The following DOCK4 variants were observed in gnomAD, a reference collection of about 807,000 sequenced individuals.
The protein encoded by DOCK4 is dedicator of cytokinesis 4, also known as dedicator of cytokinesis protein 4.
A neutral mutation model predicts 268.1 loss-of-function variants in DOCK4; 97 were observed. That is an observed-to-expected ratio of 0.36 (90% CI 0.31 to 0.43). DOCK4 has a LOEUF of 0.43. Among genes scored for constraint, DOCK4 ranks in the 20% least tolerant of loss-of-function variants. The pLI is 1.00. For missense variants in DOCK4, 2,145 were observed against 2,455.7 expected (o/e 0.87, Z 2.67); for synonymous variants, 954 against 887.2 (o/e 1.08, Z -1.34).
chr7:112,000,567 A>G (rs1159056096), intron 2 of DOCK4, 33 bp from the exon 3 acceptor site: 2 of 1,462,358 alleles, frequency 1.4e-6, no homozygotes, highest in Admixed American at 4.0e-5. Flanking sequence ...ATATTTTGAT[A>G]AACCATTGTA....
intron 1 of DOCK4, among the ~76,000 whole-genome samples, chr7:112,087,973 G>A (rs1809269880): frequency 6.6e-6 from 1 of 152,058 alleles, no homozygotes; most frequent in Admixed American, 6.6e-5. Flanking sequence ...AAAATACAGT[G>A]GTGTCCCTAG....
At chr7:112,110,547 C>T (rs1179313539) in intron 1 of DOCK4, among the ~76,000 whole-genome samples, 1 of 152,230 alleles carries the variant, frequency 6.6e-6, no homozygotes, top group East Asian at 1.9e-4. Flanking sequence ...ACACGATCTT[C>T]AGGTCACATT....
intron 52 of DOCK4, 139 bp downstream of exon 52, chr7:111,732,087 C>T (rs1220021714): frequency 4.8e-6 from 4 of 834,462 alleles, no homozygotes; most frequent in African/African-American, 3.5e-5. Context: ...TTTTCTCAAC[C>T]AGCTTCCCCT....
intron 1 of DOCK4, among the ~76,000 whole-genome samples, chr7:112,160,644 A>G (rs990156087): frequency 1.3e-5 from 2 of 152,214 alleles, no homozygotes; most frequent in African/African-American, 4.8e-5. Context: ...TATCTCCTTA[A>G]GCAGGCACCC....
chr7:112,007,298 A>C (rs1800938567), intron 1 of DOCK4, among the ~76,000 whole-genome samples: 1 of 152,108 alleles, frequency 6.6e-6, no homozygotes, highest in African/African-American at 2.4e-5. Context: ...TCTGAGTATA[A>C]GAATGGAGTA....
Position 111,828,623 on chromosome 7 carries a change from T to A in DOCK4, c.2835+5965A>T, listed in dbSNP as rs376410499. Among the ~76,000 whole-genome samples the A allele has an allele frequency of 1.2e-3, 185 of 152,168 alleles. 1 individual carries two copies. The highest frequency in any genetic ancestry group is 4.2e-3 in the African/African-American group (175 of 41,526). On this transcript the variant is annotated intron_variant, in intron 26 of 52. Transcript: ENST00000428084. ...TCAATTAAAATGTAAAATGTGTACA[T>A]CCTATGACCCAACAATTACACGTCT...
chr7:111,906,796 A>G (rs1791615447), intron 13 of DOCK4, among the ~76,000 whole-genome samples: 1 of 152,184 alleles, frequency 6.6e-6, no homozygotes, highest in South Asian at 2.1e-4. Flanking sequence ...TCATGAGCCA[A>G]GGAGTGCAGG....
At chr7:112,096,369 T>C (rs1229810545) in intron 1 of DOCK4, among the ~76,000 whole-genome samples, 1 of 152,024 alleles carries the variant, frequency 6.6e-6, no homozygotes, top group Non-Finnish European at 1.5e-5. Flanking sequence ...TTTTGGTAGA[T>C]GTGGGGTTTC....
intron 1 of DOCK4, among the ~76,000 whole-genome samples, chr7:112,061,340 T>A (rs1806365948): frequency 6.6e-6 from 1 of 152,004 alleles, no homozygotes; most frequent in South Asian, 2.1e-4. Context: ...CACGACCAGG[T>A]AGTCACAGAA....
chr7:111,865,526 A>T (rs775732964), intron 22 of DOCK4, among the ~76,000 whole-genome samples: 30 of 152,210 alleles, frequency 2.0e-4, no homozygotes, highest in Non-Finnish European at 5.9e-5. Flanking sequence ...TTCAGAGCCA[A>T]ATTTTATTTG....
intron 1 of DOCK4, among the ~76,000 whole-genome samples, chr7:112,132,400 G>A (rs1438886371): frequency 2.0e-5 from 3 of 152,046 alleles, no homozygotes; most frequent in Non-Finnish European, 4.4e-5. Context: ...GGAAAAATCT[G>A]GGATAAAAAC....
intron 1 of DOCK4, among the ~76,000 whole-genome samples, chr7:112,022,978 G>A (rs538039993): frequency 1.4e-4 from 21 of 152,008 alleles, no homozygotes; most frequent in Non-Finnish European, 2.1e-4. Context: ...GTGCAGTGGC[G>A]TGGTCTCGGC....
chr7:111,809,219 G>T, intron 29 of DOCK4, 82 bp downstream of exon 29: 2 of 1,130,936 alleles, frequency 1.8e-6, no homozygotes, highest in Non-Finnish European at 1.3e-6. Context: ...TTCCAGTTAT[G>T]CGCATTCTGA....
Position 111,838,563 on chromosome 7 carries a change from C to G in DOCK4, c.2737-3877G>C, listed in dbSNP as rs998861990. 3.3e-5 allele frequency among the ~76,000 whole-genome samples: 5 copies of G among 151,938 alleles called. No homozygotes were observed. The East Asian group carries it at 9.6e-4, about 29-fold the overall frequency. ...ACAGAATCCCCTGCCCCTATGCCCC[C>G]CAAAAAACTATGTAGTATATGATTA... On this transcript the variant is annotated intron_variant, in intron 25 of 52. Transcript: ENST00000428084.
chr7:112,041,413 A>C (rs1804343158), intron 1 of DOCK4, among the ~76,000 whole-genome samples: 1 of 152,246 alleles, frequency 6.6e-6, no homozygotes, highest in Non-Finnish European at 1.5e-5. Flanking sequence ...ATATGCTGTA[A>C]TTCAATGTAT....
At chr7:111,853,709 T>C (rs1437778945) in intron 23 of DOCK4, among the ~76,000 whole-genome samples, 1 of 152,142 alleles carries the variant, frequency 6.6e-6, no homozygotes, top group African/African-American at 2.4e-5. Context: ...CCACCCTGAA[T>C]GCCTCCACCT....
At chr7:112,130,610 T>A (rs181230189) in intron 1 of DOCK4, among the ~76,000 whole-genome samples, 85 of 152,232 alleles carry the variant, frequency 5.6e-4, no homozygotes, top group African/African-American at 1.9e-3. Flanking sequence ...ATACACAAAT[T>A]ATAAAGGAAT....
rs898376987 is a variant in DOCK4 at position 111,779,084 on chromosome 7, A to AT, written c.3586-716_3586-715insA. Among the ~76,000 whole-genome samples, 295 of 152,022 alleles carry AT rather than the reference A, an allele frequency of 1.9e-3. 2 individuals carry two copies. Among genetic ancestry groups the AT allele is most frequent in the African/African-American group, 6.7e-3 (276 of 41,492 alleles). The stretch of plus-strand genomic sequence containing the variant: ...ATAAAAATAAAAATCTCTAAAAAAA[A>AT]AAAATAAAAAGCAAAAATCTCTAAG... On this transcript the variant is annotated intron_variant, in intron 35 of 52. Transcript: ENST00000428084.
chr7:111,875,024 C>T (rs1806739688), intron 17 of DOCK4, among the ~76,000 whole-genome samples: 1 of 152,218 alleles, frequency 6.6e-6, no homozygotes. Flanking sequence ...ATTACTTCGA[C>T]ACAAAGATGT....
Sources: gnomAD v4.1 joint callset for allele counts (sites outside exome capture counted in the v4.1 genomes callset) on GRCh38, gnomAD v4.1.1 for gene constraint, MANE v1.5 for transcripts, NCBI Gene and HGNC (gene_info 2026-07-23, HGNC 2026-07-21) for gene names.